GALNT13: variants seen among roughly 807,000 people sequenced by gnomAD.
The protein encoded by GALNT13 is UDP-GalNAc:polypeptide N-acetylgalactosaminyltransferase 13.
Under a neutral mutation model 64.2 loss-of-function variants are expected in GALNT13, and 28 were observed. That is an observed-to-expected ratio of 0.44 (90% confidence interval 0.32 to 0.60). GALNT13 has a LOEUF of 0.60. Ranked by LOEUF, GALNT13 falls within the 20% of genes least tolerant of loss-of-function variation. The pLI, the probability that GALNT13 is intolerant of heterozygous loss-of-function variation, is 0.05. For missense variants in GALNT13, 577 were observed against 669.8 expected, an observed-to-expected ratio of 0.86 and a Z score of 1.53; for synonymous variants, 214 against 224.6, an observed-to-expected ratio of 0.95 and a Z score of 0.42.
the GALNT13 span, among the ~76,000 whole-genome samples, chr2:153,656,349 C>T: frequency 8.3e-6 from 1 of 120,290 alleles, no homozygotes; most frequent in East Asian, 2.9e-4. Context: ...TGCGCGCGCA[C>T]ATATGTGTGT....
At chr2:153,590,654 A>T in the GALNT13 span, among the ~76,000 whole-genome samples, 1 of 152,310 alleles carries the variant, frequency 6.6e-6, no homozygotes, top group East Asian at 1.9e-4. Flanking sequence ...ACAGCAATGC[A>T]AGGGTGGTTA....
At chr2:154,283,703 CTATATGTGTGTGTGTG>C (rs1692093742) in intron 8 of GALNT13, among the ~76,000 whole-genome samples, 2 of 151,940 alleles carry the variant, frequency 1.3e-5, no homozygotes, top group African/African-American at 4.8e-5. Context: ...ATACACACAT[CTATATGTGTGTGTGTG>C]TATATACACA....
chr2:153,879,356 ACG>A (rs1491507063), intron 1 of GALNT13, among the ~76,000 whole-genome samples: 32 of 74,358 alleles, frequency 4.3e-4, no homozygotes, highest in African/African-American at 1.7e-3. Context: ...AAAACTACCT[ACG>A]TGTGTGTGTG....
intron 9 of GALNT13, among the ~76,000 whole-genome samples, chr2:154,347,672 A>C (rs1696148616): frequency 6.6e-6 from 1 of 152,196 alleles, no homozygotes; most frequent in South Asian, 2.1e-4. Flanking sequence ...GAAATGATGG[A>C]CAAAGTTTAT....
At chr2:154,147,381 TTATATATA>T in intron 4 of GALNT13, among the ~76,000 whole-genome samples, 1 of 144,242 alleles carries the variant, frequency 6.9e-6, no homozygotes, top group East Asian at 2.0e-4. Context: ...GAATGGAATT[TTATATATA>T]TATATATATA....
At chr2:154,353,813 C>G (rs1211519022) in intron 9 of GALNT13, among the ~76,000 whole-genome samples, 1 of 152,066 alleles carries the variant, frequency 6.6e-6, no homozygotes, top group African/African-American at 2.4e-5. Flanking sequence ...TTTCCTTTAT[C>G]CAGTTGACTT....
the GALNT13 span, among the ~76,000 whole-genome samples, chr2:153,680,089 C>T: frequency 1.3e-5 from 2 of 151,770 alleles, no homozygotes; most frequent in African/African-American, 4.8e-5. Flanking sequence ...AGACAACATG[C>T]TTCATCTTCC....
At chr2:153,886,127 T>C (rs1345341811) in intron 1 of GALNT13, among the ~76,000 whole-genome samples, 1 of 151,192 alleles carries the variant, frequency 6.6e-6, no homozygotes, top group African/African-American at 2.4e-5. Context: ...ATTTAATTTA[T>C]GTGGTAAAAC....
chr2:154,296,956 T>C (rs1401418223), intron 8 of GALNT13, among the ~76,000 whole-genome samples: 1 of 152,010 alleles, frequency 6.6e-6, no homozygotes, highest in Non-Finnish European at 1.5e-5. Flanking sequence ...GTAGCCAAGG[T>C]GAAGTGCTGA....
chr2:153,343,003 G>C, the GALNT13 span, among the ~76,000 whole-genome samples: 4 of 152,138 alleles, frequency 2.6e-5, no homozygotes, highest in African/African-American at 9.7e-5. Context: ...AATAAGAAAG[G>C]CAAGTAAAAT....
intron 9 of GALNT13, among the ~76,000 whole-genome samples, chr2:154,333,247 A>T (rs1332306976): frequency 1.3e-5 from 2 of 152,110 alleles, no homozygotes; most frequent in Admixed American, 1.3e-4. Context: ...CTGATATTGG[A>T]GTTATAGTTG....
chr2:154,255,203 A>G (rs1233921307), intron 7 of GALNT13, among the ~76,000 whole-genome samples: 1 of 152,170 alleles, frequency 6.6e-6, no homozygotes, highest in Admixed American at 6.5e-5. Context: ...ATACTTTCAG[A>G]GGAAAAAGTT....
chr2:154,274,411 G>T (rs1281581514), intron 8 of GALNT13, among the ~76,000 whole-genome samples: 1 of 152,126 alleles, frequency 6.6e-6, no homozygotes, highest in African/African-American at 2.4e-5. Flanking sequence ...AAAGTTCTCT[G>T]CTGCTGTGAT....
chr2:153,919,185 C>A (rs186218327), intron 2 of GALNT13, among the ~76,000 whole-genome samples: 1 of 151,960 alleles, frequency 6.6e-6, no homozygotes, highest in Non-Finnish European at 1.5e-5. Flanking sequence ...CTACAAGATT[C>A]TTTATGGCAC....
chr2:153,190,475 G>T, the GALNT13 span, among the ~76,000 whole-genome samples: 2 of 151,970 alleles, frequency 1.3e-5, no homozygotes, highest in Non-Finnish European at 2.9e-5. Context: ...TGTTGTTTTG[G>T]TTAATAAAGA....
At chr2:153,360,206 C>T in the GALNT13 span, among the ~76,000 whole-genome samples, 2 of 152,200 alleles carry the variant, frequency 1.3e-5, no homozygotes, top group African/African-American at 4.8e-5. Context: ...AGCCCCCAAC[C>T]CCCAGCCAAG....
intron 9 of GALNT13, among the ~76,000 whole-genome samples, chr2:154,302,420 A>C (rs561338076): frequency 1.1e-4 from 17 of 152,332 alleles, no homozygotes; most frequent in Non-Finnish European, 2.4e-4. Flanking sequence ...GACAACAACA[A>C]AAATCCAGGC....
intron 6 of GALNT13, 21 bp downstream of exon 6, chr2:154,242,926 T>C: frequency 6.3e-7 from 1 of 1,596,750 alleles, no homozygotes; most frequent in Non-Finnish European, 8.6e-7. Context: ...ATGTGTTCTG[T>C]CTGCCTGGGT....
the GALNT13 span, among the ~76,000 whole-genome samples, chr2:153,155,243 T>C: frequency 2.2e-4 from 34 of 152,196 alleles, no homozygotes; most frequent in African/African-American, 8.2e-4. Flanking sequence ...CCTCATAGAA[T>C]GTGTTAGGGA....
Sources: allele counts gnomAD v4.1 joint callset (sites outside exome capture counted in the v4.1 genomes callset), GRCh38; gene constraint gnomAD v4.1.1; transcripts MANE v1.5; gene names NCBI Gene and HGNC (gene_info 2026-07-23, HGNC 2026-07-21).